Variants in MCF2 observed in about 807,000 individuals in gnomAD.
MCF2 encodes the protein proto-oncogene DBL.
MCF2 carries 44 observed loss-of-function variants against 82.5 expected under a neutral mutation model. The ratio of observed to expected loss-of-function variants is 0.53; its 90% confidence interval spans 0.42 to 0.69. The LOEUF (loss-of-function observed/expected upper bound fraction) is 0.69. MCF2 is among the 30% of genes least tolerant of loss of function. MCF2 has a pLI of 0.00. For missense variants in MCF2, 623 were observed against 663.1 expected (o/e 0.94, Z 0.66); for synonymous variants, 217 against 224.9 (o/e 0.96, Z 0.32).
chrX:139,695,459 A>G (rs1230098130), intron 1 of MCF2, among the ~76,000 whole-genome samples: 1 of 112,175 alleles, frequency 8.9e-6, no homozygotes, highest in Non-Finnish European at 1.9e-5. Context: ...TGATTGACTT[A>G]TCTGCATGCA....
chrX:139,617,528 A>T, exon 8 of MCF2: 1 of 1,182,872 alleles, frequency 8.5e-7, no homozygotes, highest in Non-Finnish European at 1.1e-6. Context: ...GTAGGAGTTT[A>T]TGCATTTTGA....
chrX:139,596,522 T>C, intron 19 of MCF2, 27 bp downstream of exon 23: 2 of 1,118,851 alleles, frequency 1.8e-6, no homozygotes, highest in Non-Finnish European at 2.5e-6. Flanking sequence ...GAAACAATAC[T>C]ACATTACCCG....
intron 10 of MCF2, among the ~76,000 whole-genome samples, chrX:139,612,851 G>C (rs1931602997): frequency 9.0e-6 from 1 of 111,680 alleles, no homozygotes; most frequent in African/African-American, 3.3e-5. Context: ...ACATACATTA[G>C]GCAGTCTCAA....
At chrX:139,690,394 C>G (rs1053249967) in intron 1 of MCF2, among the ~76,000 whole-genome samples, 2 of 74,750 alleles carry the variant, frequency 2.7e-5, no homozygotes, top group Admixed American at 3.9e-4. Flanking sequence ...TAAATGAGAA[C>G]AAAACGCAAA....
upstream of MCF2, among the ~76,000 whole-genome samples, chrX:139,647,792 T>C (rs150103309): frequency 8.9e-5 from 10 of 111,832 alleles, no homozygotes; most frequent in East Asian, 2.8e-3. Flanking sequence ...GGATGAGAAA[T>C]ATTGAAAACG....
In MCF2 at chrX:139,632,471, C is replaced by CAAAAGAAATTGG; in HGVS notation, c.52-29_52-18dup. 8.5e-7 allele frequency: 1 copy of CAAAAGAAATTGG among 1,183,101 alleles called. No individual in the cohort carries two copies. The highest frequency in any genetic ancestry group is 1.1e-6 in the Non-Finnish European group (1 of 881,504). ...GAAGGAAGCCTGTAGAAAGAAAGAACAAAAGAAATTGGAAAAAAAATTGTC... is the reference window on the plus strand; with the variant it reads ...GAAGGAAGCCTGTAGAAAGAAAGAACAAAAGAAATTGGAAAAGAAATTGGAAAAAAAATTGTC... On this transcript the variant is annotated splice_polypyrimidine_tract_variant and intron_variant, in intron 1 of 24. Transcript: ENST00000370576.
At chrX:139,616,145 C>T (rs1396494739) in intron 9 of MCF2, 137 bp downstream of exon 12, 1 of 316,868 alleles carries the variant, frequency 3.2e-6, no homozygotes, top group Non-Finnish European at 5.6e-6. Flanking sequence ...GACAGTGGCA[C>T]TACTATCACC....
At chrX:139,638,251 A>G (rs1391538449) in intron 1 of MCF2, among the ~76,000 whole-genome samples, 1 of 111,776 alleles carries the variant, frequency 8.9e-6, no homozygotes, top group African/African-American at 3.3e-5. Context: ...CTGTTGAACT[A>G]GACTCAGTCA....
chrX:139,624,485 G>A (rs1932638165), intron 6 of MCF2, among the ~76,000 whole-genome samples: 1 of 106,652 alleles, frequency 9.4e-6, no homozygotes, highest in East Asian at 3.0e-4. Context: ...GGCTACAGTA[G>A]CTATGATTGT....
intron 1 of MCF2, among the ~76,000 whole-genome samples, chrX:139,688,989 T>G (rs1392237581): frequency 8.9e-6 from 1 of 112,134 alleles, no homozygotes; most frequent in African/African-American, 3.2e-5. Flanking sequence ...CCATTCCCTG[T>G]GTTAATGGCA....
At chrX:139,655,224 G>A (rs1934157533) in intron 1 of MCF2, among the ~76,000 whole-genome samples, 2 of 112,106 alleles carry the variant, frequency 1.8e-5, no homozygotes, top group African/African-American at 3.2e-5. Flanking sequence ...GTAAATTTCT[G>A]TGGGTAGAAT....
In MCF2 at chrX:139,588,344, G is replaced by A. The variant is rs1420949815; in HGVS notation, c.2449+16C>T. On this transcript the variant is annotated intron_variant, in intron 21 of 24. Transcript: ENST00000370576. Reference sequence around the variant, plus strand: ...TACTATACTTCTTGTTCTGAAGAATGCAGGCTTGAATTTACCTGTCAAAAG... The same window carrying A: ...TACTATACTTCTTGTTCTGAAGAATACAGGCTTGAATTTACCTGTCAAAAG... 5.6e-5 allele frequency: 66 copies of A among 1,178,322 alleles called. No homozygotes were observed. The highest frequency in any genetic ancestry group is 7.4e-5 in the Non-Finnish European group (64 of 868,083).
intron 16 of MCF2, among the ~76,000 whole-genome samples, chrX:139,601,259 CCAAATT>C (rs1436488608): frequency 1.8e-5 from 2 of 111,187 alleles, no homozygotes; most frequent in African/African-American, 6.5e-5. Flanking sequence ...ACAGGAGGTT[CCAAATT>C]CAAAGTTATC....
At chrX:139,595,267 C>T (rs1233548686) in intron 19 of MCF2, among the ~76,000 whole-genome samples, 4 of 109,267 alleles carry the variant, frequency 3.7e-5, no homozygotes, top group Non-Finnish European at 3.8e-5. Context: ...GCTATAAAGA[C>T]ACATGCACAC....
chrX:139,623,387 C>T (rs757410334), intron 6 of MCF2, among the ~76,000 whole-genome samples: 35 of 111,432 alleles, frequency 3.1e-4, no homozygotes, highest in Non-Finnish European at 5.5e-4. Flanking sequence ...TCATGGAATA[C>T]TATGCAGCCA....
chrX:139,669,100 C>T (rs993161976), intron 1 of MCF2, among the ~76,000 whole-genome samples: 5 of 111,341 alleles, frequency 4.5e-5, no homozygotes, highest in East Asian at 2.8e-4. Flanking sequence ...GAAAAGATGA[C>T]GTACAGAATA....
intron 12 of MCF2, among the ~76,000 whole-genome samples, chrX:139,606,270 A>G (rs1931004255): frequency 9.1e-6 from 1 of 109,500 alleles, no homozygotes; most frequent in Non-Finnish European, 1.9e-5. Context: ...TCCCTTTTCA[A>G]AGTAATGTTC....
intron 1 of MCF2, among the ~76,000 whole-genome samples, chrX:139,638,153 A>T (rs992267216): frequency 8.9e-6 from 1 of 111,770 alleles, no homozygotes; most frequent in Non-Finnish European, 1.9e-5. Flanking sequence ...GCAATAGGGA[A>T]CTAACACATT....
rs1930209732 is a variant in MCF2, at chrX:139,597,546, GAGC to G, written c.1966_1968del (p.Ala656del). 24 of 1,171,541 alleles carry G rather than the reference GAGC, an allele frequency of 2.0e-5. No homozygotes were observed. The East Asian group carries it at 7.3e-4, about 36-fold the overall frequency. ...ATTGCATCGAGTGCCTTCTTCAACA[GAGC>G]AGATCCTTCACAGTCTTTGCTATAT... On this transcript the variant is annotated inframe_deletion, in exon 18 of 25. Transcript: ENST00000370576.
Sources: gnomAD v4.1 joint callset for allele counts (sites outside exome capture counted in the v4.1 genomes callset) on GRCh38, gnomAD v4.1.1 for gene constraint, MANE v1.5 for transcripts, NCBI Gene and HGNC (gene_info 2026-07-23, HGNC 2026-07-21) for gene names.